BMPER: variants seen among roughly 807,000 people sequenced by gnomAD.
The protein encoded by BMPER is BMP binding endothelial regulator, also known as BMP-binding endothelial regulator protein.
A neutral mutation model predicts 87.3 loss-of-function variants in BMPER; 45 were observed. The ratio of observed to expected loss-of-function variants is 0.52; its 90% CI spans 0.41 to 0.66. The LOEUF (loss-of-function observed/expected upper bound fraction) is 0.66. Among genes scored for constraint, BMPER ranks in the 30% least tolerant of loss-of-function variants. BMPER has a pLI of 0.00. For missense variants in BMPER, 784 were observed against 867.5 expected (o/e 0.90, Z 1.21); for synonymous variants, 326 against 316.2 (o/e 1.03, Z -0.33).
chr7:34,005,744 T>C (rs1414487176), intron 6 of BMPER, among the ~76,000 whole-genome samples: 1 of 152,036 alleles, frequency 6.6e-6, no homozygotes, highest in Non-Finnish European at 1.5e-5. Context: ...AGAGTTCTTA[T>C]TGCTTTATGG....
chr7:34,098,438 G>GT (rs1789591212), intron 13 of BMPER, among the ~76,000 whole-genome samples: 1 of 152,152 alleles, frequency 6.6e-6, no homozygotes, highest in Admixed American at 6.5e-5. Context: ...TCTGGTCAAT[G>GT]GGCACAGATT....
rs868738231 is a variant in BMPER at position 33,974,618 on chromosome 7, C to T, written c.494-84C>T. ...CACTCAGCTGTGTGGAGGTGGGCAA[C>T]GGATGAACTGTGGATAGAAGGATTG... On this transcript the variant is annotated intron_variant, in intron 5 of 14. Coordinates refer to ENST00000649409, the MANE Select transcript of BMPER (RefSeq NM_001365308.1). The T allele has an allele frequency of 3.7e-5, 51 of 1,362,048 alleles. 1 individual carries two copies. In the Middle Eastern group the frequency reaches 3.2e-3, roughly 86 times the overall value. The allele number at this position is 1,362,048 out of a possible 1,614,324, so 84.4% of individuals were successfully genotyped here. A position where few individuals can be genotyped will look rare whatever the true frequency, so the allele number is the denominator to read the frequency against.
rs1461275059 is a variant in BMPER at position 34,155,691 on chromosome 7, T to G, written c.*2418T>G. On this transcript the variant is annotated 3_prime_UTR_variant, in exon 15 of 15. Coordinates refer to ENST00000649409, the MANE Select transcript of BMPER (RefSeq NM_001365308.1). ...GCTGAATGGTTGGCCTGCATATTCT[T>G]TTTTAGGCCACAGGCTACAGCTGAG... 3 of 152,202 alleles carry G rather than the reference T, an allele frequency of 2.0e-5. No individual in the cohort carries two copies. Among genetic ancestry groups the G allele is most frequent in the African/African-American group, 7.2e-5 (3 of 41,452 alleles). The allele number at this position is 152,202 out of a possible 1,614,324, so 9.4% of individuals were successfully genotyped here. A position where few individuals can be genotyped will look rare whatever the true frequency, so the allele number is the denominator to read the frequency against.
chr7:34,048,469 G>T (rs1421086624), intron 7 of BMPER, among the ~76,000 whole-genome samples: 1 of 152,186 alleles, frequency 6.6e-6, no homozygotes, highest in Non-Finnish European at 1.5e-5. Context: ...TGGGTTGCCA[G>T]TGTGTGTCAG....
chr7:33,997,911 T>TC (rs1195120273), intron 6 of BMPER, among the ~76,000 whole-genome samples: 2 of 152,116 alleles, frequency 1.3e-5, no homozygotes, highest in Admixed American at 6.5e-5. Flanking sequence ...TGCTCCTAAA[T>TC]CCCCCTGCCA....
intron 3 of BMPER, among the ~76,000 whole-genome samples, chr7:33,943,895 G>C (rs74797448): frequency 6.6e-6 from 1 of 152,310 alleles, no homozygotes; most frequent in Non-Finnish European, 1.5e-5. Context: ...GGTTTGGTGA[G>C]AAGTGGTATC....
Position 34,102,986 on chromosome 7 carries a change from C to T in BMPER, c.1745+16894C>T, listed in dbSNP as rs192487115. ...GGAGGAAGTGAGGGAGTGTGCCATG[C>T]TCAAATTTGGAAAAAAATGCTTTCT... On this transcript the variant is annotated intron_variant, in intron 13 of 14. Transcript: ENST00000649409. Among the ~76,000 whole-genome samples, 815 of 152,090 alleles carry T rather than the reference C, an allele frequency of 5.4e-3. 2 individuals carry two copies. The highest frequency in any genetic ancestry group is 9.2e-3 in the Non-Finnish European group (628 of 67,996).
intron 13 of BMPER, among the ~76,000 whole-genome samples, chr7:34,111,277 G>A (rs1000336850): frequency 3.3e-5 from 5 of 152,196 alleles, no homozygotes; most frequent in Admixed American, 6.5e-5. Context: ...GCTTTGTCCT[G>A]GTGAGCTGTA....
intron 3 of BMPER, among the ~76,000 whole-genome samples, chr7:33,952,778 T>G (rs1270076243): frequency 6.6e-6 from 1 of 152,260 alleles, no homozygotes; most frequent in Non-Finnish European, 1.5e-5. Context: ...TATTTTCTTT[T>G]TAGAATTAAA....
At chr7:33,966,406 T>C (rs752342279) in intron 3 of BMPER, 73 bp from the exon 4 acceptor site, 9 of 1,316,148 alleles carry the variant, frequency 6.8e-6, no homozygotes, top group Non-Finnish European at 8.8e-6. Context: ...ACATAACTTA[T>C]TTTGCTCCAA....
At chr7:33,943,885 G>T (rs1326533181) in intron 3 of BMPER, among the ~76,000 whole-genome samples, 1 of 152,126 alleles carries the variant, frequency 6.6e-6, no homozygotes, top group Non-Finnish European at 1.5e-5. Flanking sequence ...CCCTTTTGGT[G>T]GTTTGGTGAG....
intron 13 of BMPER, among the ~76,000 whole-genome samples, chr7:34,090,917 TG>T (rs1789362412): frequency 6.6e-6 from 1 of 152,230 alleles, no homozygotes; most frequent in Non-Finnish European, 1.5e-5. Context: ...GGAAAGTGTC[TG>T]GGGATTCCCA....
Position 34,153,285 on chromosome 7 carries a change from A to T in BMPER, c.*12A>T, listed in dbSNP as rs1791230940. 1 of 1,613,594 alleles carries T rather than the reference A, an allele frequency of 6.2e-7. No homozygotes were observed. The highest frequency in any genetic ancestry group is 1.7e-5 in the Admixed American group (1 of 59,974). ...GTCCCCAGCGGTGACCTTTGTTTCGATCCTTAAGACTCTGAAATCTGGTGA... is the reference window on the plus strand; with the variant it reads ...GTCCCCAGCGGTGACCTTTGTTTCGTTCCTTAAGACTCTGAAATCTGGTGA... On this transcript the variant is annotated 3_prime_UTR_variant, in exon 15 of 15. Transcript: ENST00000649409.
At chr7:33,981,619 G>A (rs1020806490) in intron 6 of BMPER, among the ~76,000 whole-genome samples, 2 of 152,158 alleles carry the variant, frequency 1.3e-5, no homozygotes, top group East Asian at 1.9e-4. Flanking sequence ...CTCATAATGG[G>A]TATACATAAT....
In BMPER at chr7:34,046,513, G is replaced by A. The variant is rs749530316; in HGVS notation, c.676+108G>A. ...TGAGATTCTCAAGTTGTCCTATTTC[G>A]TGGCTTGTTAGAGACAACTCCCTCT... On this transcript the variant is annotated intron_variant, in intron 7 of 14. Transcript: ENST00000649409. 4.8e-4 allele frequency: 581 copies of A among 1,216,660 alleles called. 2 individuals are homozygous for A. The highest frequency in any genetic ancestry group is 6.4e-4 in the Non-Finnish European group (533 of 826,834). The allele number at this position is 1,216,660 out of a possible 1,614,324, so 75.4% of individuals were successfully genotyped here. A position where few individuals can be genotyped will look rare whatever the true frequency, so the allele number is the denominator to read the frequency against.
At chr7:34,126,578 C>T (rs1269971508) in intron 13 of BMPER, among the ~76,000 whole-genome samples, 3 of 152,150 alleles carry the variant, frequency 2.0e-5, no homozygotes, top group Non-Finnish European at 2.9e-5. Context: ...GATGTTTGTG[C>T]TGTAGTTGGA....
At chr7:34,121,348 A>G (rs781649180) in intron 13 of BMPER, among the ~76,000 whole-genome samples, 1 of 152,212 alleles carries the variant, frequency 6.6e-6, no homozygotes, top group Non-Finnish European at 1.5e-5. Flanking sequence ...CTTGCCAGGG[A>G]TACATAGCTG....
At chr7:34,085,116 C>T (rs1789164781) in intron 12 of BMPER, among the ~76,000 whole-genome samples, 1 of 152,162 alleles carries the variant, frequency 6.6e-6, no homozygotes, top group Non-Finnish European at 1.5e-5. Flanking sequence ...AACAACTCAA[C>T]CCCAAACCCC....
At position 33,937,403 on chromosome 7, in the gene BMPER, G is replaced by A; in HGVS notation, c.319+15G>A. On this transcript the variant is annotated intron_variant, in intron 3 of 14. Coordinates refer to ENST00000649409, the MANE Select transcript of BMPER (RefSeq NM_001365308.1). ...ACAGTGCAAAGGTGATTGATGTCTTGGCCGTCTTCTCTTCTGGCTGCTGCT... is the reference window on the plus strand; with the variant it reads ...ACAGTGCAAAGGTGATTGATGTCTTAGCCGTCTTCTCTTCTGGCTGCTGCT... 1 of 1,610,108 alleles carries A rather than the reference G, an allele frequency of 6.2e-7. No individual in the cohort carries two copies. Among genetic ancestry groups the A allele is most frequent in the Non-Finnish European group, 8.5e-7 (1 of 1,176,354 alleles).
Sources: gnomAD v4.1 joint callset for allele counts (sites outside exome capture counted in the v4.1 genomes callset) on GRCh38, gnomAD v4.1.1 for gene constraint, MANE v1.5 for transcripts, NCBI Gene and HGNC (gene_info 2026-07-23, HGNC 2026-07-21) for gene names.